Variants in CSTPP1 observed in about 807,000 individuals in gnomAD.
CSTPP1 encodes centriolar satellite-associated tubulin polyglutamylase complex regulator 1.
At chr11:46,946,817 T>A in the CSTPP1 span, among the ~76,000 whole-genome samples, 2 of 152,260 alleles carry the variant, frequency 1.3e-5, no homozygotes, top group African/African-American at 4.8e-5. Flanking sequence ...CTTATTAGAA[T>A]GTGAGCCATG....
chr11:47,041,811 A>G, the CSTPP1 span: 1 of 462,360 alleles, frequency 2.2e-6, no homozygotes, highest in Non-Finnish European at 4.4e-6. Flanking sequence ...GAATACTTTC[A>G]TGCCCTTTTG....
At chr11:47,099,857 G>A in the CSTPP1 span, among the ~76,000 whole-genome samples, 5 of 152,240 alleles carry the variant, frequency 3.3e-5, no homozygotes, top group Admixed American at 3.3e-4. Flanking sequence ...ATCAGTATTG[G>A]AACACAGTGA....
chr11:47,157,992 C>A, the CSTPP1 span: 1 of 1,367,800 alleles, frequency 7.3e-7, no homozygotes, highest in Non-Finnish European at 1.0e-6. Context: ...CCTCTGTTAG[C>A]AACACGGCTC....
At chr11:47,131,000 C>T in the CSTPP1 span, among the ~76,000 whole-genome samples, 1 of 152,208 alleles carries the variant, frequency 6.6e-6, no homozygotes, top group Non-Finnish European at 1.5e-5. Context: ...CTGGGACTCC[C>T]ATGGCTTGTA....
the CSTPP1 span, among the ~76,000 whole-genome samples, chr11:47,031,012 AAT>A: frequency 6.6e-6 from 1 of 152,218 alleles, no homozygotes; most frequent in Non-Finnish European, 1.5e-5. Flanking sequence ...TACCCAAAGG[AAT>A]ATAAATCATT....
chr11:47,102,245 T>A, the CSTPP1 span, among the ~76,000 whole-genome samples: 1 of 152,170 alleles, frequency 6.6e-6, no homozygotes, highest in South Asian at 2.1e-4. Flanking sequence ...TTGATCTCTT[T>A]TTTGGAATAA....
chr11:47,141,910 GCA>G, the CSTPP1 span, among the ~76,000 whole-genome samples: 2 of 110,996 alleles, frequency 1.8e-5, no homozygotes, highest in Admixed American at 1.2e-4. Flanking sequence ...TCCAGCCTGG[GCA>G]ACAGAGCTAG....
the CSTPP1 span, among the ~76,000 whole-genome samples, chr11:47,070,945 G>C: frequency 6.6e-6 from 1 of 151,972 alleles, no homozygotes; most frequent in African/African-American, 2.4e-5. Flanking sequence ...AACACTCCTT[G>C]TGCTTTCCCC....
the CSTPP1 span, among the ~76,000 whole-genome samples, chr11:47,103,341 A>G: frequency 6.6e-6 from 1 of 151,500 alleles, no homozygotes; most frequent in Non-Finnish European, 1.5e-5. Context: ...TGGGGGTTGC[A>G]GTGAGCTGAG....
the CSTPP1 span, among the ~76,000 whole-genome samples, chr11:46,967,060 A>C: frequency 2.6e-5 from 4 of 152,164 alleles, no homozygotes; most frequent in Non-Finnish European, 5.9e-5. Flanking sequence ...AAATTTTGAT[A>C]AAGTGTAACA....
At chr11:47,048,962 C>G in the CSTPP1 span, among the ~76,000 whole-genome samples, 2 of 151,892 alleles carry the variant, frequency 1.3e-5, no homozygotes, top group Non-Finnish European at 2.9e-5. Flanking sequence ...TGGGCTTTGT[C>G]TTGTTTTATT....
At chr11:47,046,171 GT>G in the CSTPP1 span, among the ~76,000 whole-genome samples, 3 of 151,160 alleles carry the variant, frequency 2.0e-5, no homozygotes, top group African/African-American at 7.3e-5. Context: ...AAAGGAAAAG[GT>G]AGATATCAAA....
the CSTPP1 span, among the ~76,000 whole-genome samples, chr11:47,046,667 T>TTTC: frequency 7.4e-5 from 9 of 122,324 alleles, no homozygotes; most frequent in African/African-American, 2.8e-4. Flanking sequence ...TTTCTTTTTT[T>TTTC]TTTTTTTTTT....
the CSTPP1 span, among the ~76,000 whole-genome samples, chr11:46,973,011 T>C: frequency 2.6e-5 from 4 of 152,182 alleles, no homozygotes; most frequent in Non-Finnish European, 5.9e-5. Flanking sequence ...TCTTCACTGG[T>C]AATATGGAGA....
At chr11:47,053,264 GT>G in the CSTPP1 span, among the ~76,000 whole-genome samples, 1 of 152,070 alleles carries the variant, frequency 6.6e-6, no homozygotes, top group Non-Finnish European at 1.5e-5. Flanking sequence ...TATGAAGGAG[GT>G]TAGGGGAGAT....
At chr11:47,152,132 C>T in the CSTPP1 span, among the ~76,000 whole-genome samples, 1 of 151,996 alleles carries the variant, frequency 6.6e-6, no homozygotes, top group South Asian at 2.1e-4. Flanking sequence ...CACCTGTAAT[C>T]CCAGCTGCTA....
chr11:47,039,001 G>A, the CSTPP1 span, among the ~76,000 whole-genome samples: 1 of 121,516 alleles, frequency 8.2e-6, no homozygotes, highest in African/African-American at 2.6e-5. Context: ...GGGAAGAGGC[G>A]CTCCTCACTT....
the CSTPP1 span, among the ~76,000 whole-genome samples, chr11:46,972,359 T>C: frequency 1.3e-5 from 2 of 152,124 alleles, no homozygotes; most frequent in Non-Finnish European, 2.9e-5. Context: ...GGACAGGGAT[T>C]AGAGACCAGG....
the CSTPP1 span, among the ~76,000 whole-genome samples, chr11:46,970,481 G>A: frequency 4.8e-4 from 72 of 151,188 alleles, no homozygotes; most frequent in African/African-American, 1.6e-3. Flanking sequence ...AATAAATTTA[G>A]GTTCATGCCT....
Sources: allele counts gnomAD v4.1 joint callset (sites outside exome capture counted in the v4.1 genomes callset), GRCh38; gene constraint gnomAD v4.1.1; transcripts MANE v1.5; gene names NCBI Gene and HGNC (gene_info 2026-07-23, HGNC 2026-07-21).